RAB28: variants seen among roughly 807,000 people sequenced by gnomAD.
RAB28 encodes the protein ras-related protein Rab-28.
In RAB28, 24 loss-of-function variants were observed where a neutral mutation model predicts 31.7. That is an observed-to-expected ratio of 0.76 (90% CI 0.55 to 1.06). The LOEUF is 1.06. Among genes scored for constraint, RAB28 ranks in the 50% least tolerant of loss-of-function variants. The pLI is 0.00. For synonymous variants in RAB28, 100 were observed against 90.4 expected (o/e 1.11, Z -0.60); for missense variants, 254 against 258.5 (o/e 0.98, Z 0.12).
rs1419389416 is a variant in RAB28, at chr4:13,474,313, C to A, written c.261+5G>T. ...ATACTGGAATAATCAGAATTCATAT[C>A]ATACCTGTGCTCCATAGATATATTT... is the stretch of plus-strand genomic sequence containing the variant. On this transcript the variant is annotated splice_donor_5th_base_variant and intron_variant, in intron 3 of 6. Transcript: ENST00000330852. 1 of 1,556,354 alleles carries A rather than the reference C, an allele frequency of 6.4e-7. No homozygotes were observed. The highest frequency in any genetic ancestry group is 8.8e-7 in the Non-Finnish European group (1 of 1,132,432).
chr4:13,458,295 T>G (rs1005794362), intron 4 of RAB28, among the ~76,000 whole-genome samples: 1 of 151,816 alleles, frequency 6.6e-6, no homozygotes, highest in Admixed American at 6.6e-5. Context: ...ACCTGTGTCA[T>G]CATGGTTTTA....
At chr4:13,403,780 GAATA>G (rs747210430) in intron 4 of RAB28, among the ~76,000 whole-genome samples, 27 of 152,092 alleles carry the variant, frequency 1.8e-4, no homozygotes, top group Non-Finnish European at 3.5e-4. Context: ...ATAAATGAAT[GAATA>G]CTTTAAAATC....
intron 4 of RAB28, among the ~76,000 whole-genome samples, chr4:13,404,517 T>TTTTCACAAA (rs1239943855): frequency 2.6e-5 from 4 of 152,150 alleles, no homozygotes; most frequent in Non-Finnish European, 4.4e-5. Context: ...ATTTAATCAA[T>TTTTCACAAA]TTTCACAAAT....
rs1716751019 is a variant in RAB28 at position 13,484,088 on chromosome 4, GCCGTCCC to G, written c.56_62del (p.Gly19AlafsTer8). The G allele has an allele frequency of 6.3e-7, 1 of 1,599,472 alleles. No homozygotes were observed. On this transcript the variant is annotated frameshift_variant, in exon 1 of 7. Coordinates refer to ENST00000330852, the MANE Select transcript of RAB28 (RefSeq NM_001017979.3). LOFTEE classifies it high-confidence loss of function. ...CTCGAGGACTGACCTTCCCGGAGGC[GCCGTCCC>G]CCAGCACGACGATTTTCAGTTGCCG...
At chr4:13,462,594 C>T (rs777810032) in intron 3 of RAB28, among the ~76,000 whole-genome samples, 17 of 152,248 alleles carry the variant, frequency 1.1e-4, no homozygotes, top group Non-Finnish European at 1.9e-4. Flanking sequence ...TTATTATTCT[C>T]GTTTATTAAA....
chr4:13,461,092 T>C lies in RAB28; in HGVS notation c.262-264A>G, dbSNP rs140166585. ...TTGTAAGTGGTCTTCCAATAAGATATCTGGAATATGCTTGGTAAGTTACAG... is the reference window on the plus strand; with the variant it reads ...TTGTAAGTGGTCTTCCAATAAGATACCTGGAATATGCTTGGTAAGTTACAG... On this transcript the variant is annotated intron_variant, in intron 3 of 6. Coordinates refer to ENST00000330852, the MANE Select transcript of RAB28 (RefSeq NM_001017979.3). Among the ~76,000 whole-genome samples, 694 of 152,302 alleles carry C rather than the reference T, an allele frequency of 4.6e-3. 5 individuals carry two copies. Among genetic ancestry groups the C allele is most frequent in the African/African-American group, 0.016 (661 of 41,554 alleles).
intron 4 of RAB28, among the ~76,000 whole-genome samples, chr4:13,399,236 T>C (rs1330878021): frequency 2.0e-5 from 3 of 152,214 alleles, no homozygotes; most frequent in Admixed American, 2.0e-4. Context: ...GCATTTTTCG[T>C]GCGTATTGTT....
At position 13,472,667 on chromosome 4, in the gene RAB28, T is replaced by C. The variant is rs1195276082; in HGVS notation, c.261+1651A>G. On this transcript the variant is annotated intron_variant, in intron 3 of 6. Transcript: ENST00000330852. ...TCTAATCTTCATTTTCTTAAAATCA[T>C]ATATGTAGCCTTGAAGACAGATTTT... Among the ~76,000 whole-genome samples, 3 of 151,966 alleles carry C rather than the reference T, an allele frequency of 2.0e-5. No individual in the cohort carries two copies. In the South Asian group the frequency reaches 6.2e-4, roughly 31 times the overall value.
intron 4 of RAB28, among the ~76,000 whole-genome samples, chr4:13,422,805 G>A (rs778978913): frequency 6.6e-6 from 1 of 151,642 alleles, no homozygotes; most frequent in Admixed American, 6.6e-5. Context: ...TGTAAATGAC[G>A]AGTTAATGGG....
chr4:13,368,342 C>A lies in RAB28; in HGVS notation c.*216G>T. On this transcript the variant is annotated 3_prime_UTR_variant, in exon 7 of 7. Coordinates refer to ENST00000330852, the MANE Select transcript of RAB28 (RefSeq NM_001017979.3). ...GTCTAATTCCAGGGAATGGGTTTTC[C>A]ATTTTGAATTCAAAGTGTGTGGTCC... The A allele has an allele frequency of 7.5e-6, 9 of 1,197,332 alleles. No homozygotes were observed. Among genetic ancestry groups the A allele is most frequent in the Non-Finnish European group, 8.3e-6 (8 of 965,650 alleles). The allele number at this position is 1,197,332 out of a possible 1,614,324, so 74.2% of individuals were successfully genotyped here.
At chr4:13,444,512 T>G (rs1714598598) in intron 4 of RAB28, among the ~76,000 whole-genome samples, 1 of 152,202 alleles carries the variant, frequency 6.6e-6, no homozygotes, top group Non-Finnish European at 1.5e-5. Context: ...TTCAACACAC[T>G]GATTTTATTT....
intron 4 of RAB28, among the ~76,000 whole-genome samples, chr4:13,395,067 G>C (rs74923703): frequency 6.9e-4 from 105 of 152,206 alleles, no homozygotes; most frequent in African/African-American, 2.5e-3. Context: ...AATCCAGCTG[G>C]AGGTTCTCAA....
At position 13,383,882 on chromosome 4, in the gene RAB28, G is replaced by A. The variant is rs116324898; in HGVS notation, c.392-2288C>T. On this transcript the variant is annotated intron_variant, in intron 4 of 6. Transcript: ENST00000330852. ...AGGGCAGTCCTGCCTATCACACAGGGCTAGTCCAACCTCAGCATCCCTTGG... is the reference window on the plus strand; with the variant it reads ...AGGGCAGTCCTGCCTATCACACAGGACTAGTCCAACCTCAGCATCCCTTGG... Among the ~76,000 whole-genome samples the A allele has an allele frequency of 6.0e-3, 909 of 152,290 alleles. 4 individuals carry two copies. The highest frequency in any genetic ancestry group is 0.017 in the Middle Eastern group (5 of 294).
At chr4:13,389,947 A>G (rs1164262918) in intron 4 of RAB28, among the ~76,000 whole-genome samples, 1 of 152,210 alleles carries the variant, frequency 6.6e-6, no homozygotes, top group African/African-American at 2.4e-5. Flanking sequence ...CCCACAGCCA[A>G]TGTCATACTG....
intron 1 of RAB28, among the ~76,000 whole-genome samples, chr4:13,482,615 C>G (rs148420073): frequency 6.6e-6 from 1 of 152,046 alleles, no homozygotes; most frequent in Admixed American, 6.6e-5. Flanking sequence ...TTATTTATAG[C>G]AATTCATTCA....
In RAB28 at chr4:13,419,243, C is replaced by G. The variant is rs150657810; in HGVS notation, c.392-37649G>C. 8.0e-3 allele frequency among the ~76,000 whole-genome samples: 1,220 copies of G among 152,244 alleles called. 16 individuals carry two copies. The highest frequency in any genetic ancestry group is 0.028 in the African/African-American group (1,150 of 41,530). On this transcript the variant is annotated intron_variant, in intron 4 of 6. Transcript: ENST00000330852. Reference sequence around the variant, plus strand: ...CACGCAATACAGGAGCACCCAGATTCATAAAGCAAGTCCTTAGAGACCTAG... The same window carrying G: ...CACGCAATACAGGAGCACCCAGATTGATAAAGCAAGTCCTTAGAGACCTAG...
intron 5 of RAB28, among the ~76,000 whole-genome samples, chr4:13,380,829 T>C (rs1368549773): frequency 6.6e-6 from 1 of 151,960 alleles, no homozygotes; most frequent in Non-Finnish European, 1.5e-5. Context: ...ACCTATATGT[T>C]CCACAATAAG....
At chr4:13,422,235 T>TAAAAAGG (rs1432393723) in intron 4 of RAB28, among the ~76,000 whole-genome samples, 3 of 151,716 alleles carry the variant, frequency 2.0e-5, no homozygotes, top group Admixed American at 1.3e-4. Context: ...TGGTGATCAT[T>TAAAAAGG]AAAAAGGAAA....
Position 13,484,279 on chromosome 4 carries a change from C to T in RAB28, c.-129G>A. Reference sequence around the variant, plus strand: ...CCCCGCCCCGGTGTCTCCGCGCCGGCAGGAGGTATTCGAGGAGAATCACTC... The same window carrying T: ...CCCCGCCCCGGTGTCTCCGCGCCGGTAGGAGGTATTCGAGGAGAATCACTC... On this transcript the variant is annotated 5_prime_UTR_variant, in exon 1 of 7. Coordinates refer to ENST00000330852, the MANE Select transcript of RAB28 (RefSeq NM_001017979.3). 1.4e-6 allele frequency: 1 copy of T among 707,300 alleles called. No individual in the cohort carries two copies. Among genetic ancestry groups the T allele is most frequent in the Non-Finnish European group, 2.5e-6 (1 of 393,948 alleles). The allele number at this position is 707,300 out of a possible 1,614,324, so 43.8% of individuals were successfully genotyped here. A position where few individuals can be genotyped will look rare whatever the true frequency, so the allele number is the denominator to read the frequency against.
Sources: gnomAD v4.1 joint callset for allele counts (sites outside exome capture counted in the v4.1 genomes callset) on GRCh38, gnomAD v4.1.1 for gene constraint, MANE v1.5 for transcripts, NCBI Gene and HGNC (gene_info 2026-07-23, HGNC 2026-07-21) for gene names.